The following SIPA1L3 variants were observed in gnomAD, a reference collection of about 807,000 sequenced individuals.
The protein encoded by SIPA1L3 is signal induced proliferation associated 1 like 3.
Under a neutral mutation model 150.1 loss-of-function variants are expected in SIPA1L3, and 59 were observed. The ratio of observed to expected loss-of-function variants is 0.39; its 90% CI spans 0.32 to 0.49. SIPA1L3 has a LOEUF of 0.49. Among genes scored for constraint, SIPA1L3 ranks in the 20% least tolerant of loss-of-function variants. The pLI is 0.86. For missense variants in SIPA1L3, 2,211 were observed against 2,489.5 expected (o/e 0.89, Z 2.38); for synonymous variants, 1,070 against 1,077.6 (o/e 0.99, Z 0.14).
intron 1 of SIPA1L3, among the ~76,000 whole-genome samples, chr19:37,931,791 A>G (rs995720334): frequency 1.3e-5 from 2 of 152,044 alleles, no homozygotes; most frequent in Non-Finnish European, 1.5e-5. Context: ...TAGTGGGTAA[A>G]AACTGGAACC....
intron 2 of SIPA1L3, among the ~76,000 whole-genome samples, chr19:38,075,646 G>A (rs1600013031): frequency 6.6e-6 from 1 of 151,108 alleles, no homozygotes; most frequent in Non-Finnish European, 1.5e-5. Context: ...CAGGCATGGT[G>A]GTGTGCACCT....
chr19:37,959,990 G>T (rs1175704814), intron 1 of SIPA1L3, among the ~76,000 whole-genome samples: 1 of 151,510 alleles, frequency 6.6e-6, no homozygotes, highest in Non-Finnish European at 1.5e-5. Context: ...CATGTTACAA[G>T]CCCCACAGTA....
intron 9 of SIPA1L3, among the ~76,000 whole-genome samples, chr19:38,128,949 C>A (rs748400402): frequency 2.0e-5 from 3 of 152,036 alleles, no homozygotes; most frequent in Non-Finnish European, 4.4e-5. Flanking sequence ...AGTATGAAAG[C>A]GGGCATCCTG....
intron 13 of SIPA1L3, among the ~76,000 whole-genome samples, 180 bp downstream of exon 13, chr19:38,153,147 G>A (rs529217034): frequency 6.9e-4 from 105 of 152,348 alleles, no homozygotes; most frequent in African/African-American, 2.3e-3. Context: ...ACCAGCAAGC[G>A]AGATCCTTAT....
intron 1 of SIPA1L3, among the ~76,000 whole-genome samples, chr19:37,973,160 G>A (rs1382059982): frequency 7.2e-5 from 11 of 151,726 alleles, no homozygotes; most frequent in East Asian, 3.9e-4. Context: ...GTCAGAACAC[G>A]TGTTCTTCTC....
chr19:37,952,641 C>T (rs1165732114), intron 1 of SIPA1L3, among the ~76,000 whole-genome samples: 2 of 151,452 alleles, frequency 1.3e-5, no homozygotes, highest in Non-Finnish European at 2.9e-5. Context: ...CCATTGCACT[C>T]CAGCCTGAGG....
At chr19:37,958,938 A>G (rs1035835123) in intron 1 of SIPA1L3, among the ~76,000 whole-genome samples, 35 of 152,266 alleles carry the variant, frequency 2.3e-4, no homozygotes, top group African/African-American at 8.2e-4. Flanking sequence ...ATGGCTCAAT[A>G]TAATTATCAT....
At chr19:38,188,179 TGTGGTGGTGGTG>T (rs765752216) in intron 16 of SIPA1L3, among the ~76,000 whole-genome samples, 2 of 151,300 alleles carry the variant, frequency 1.3e-5, no homozygotes, top group East Asian at 1.9e-4. Context: ...GTTTTGTTGT[TGTGGTGGTGGTG>T]GTGGTGGTGG....
chr19:38,010,929 C>G (rs1968082516), intron 1 of SIPA1L3, among the ~76,000 whole-genome samples: 1 of 152,142 alleles, frequency 6.6e-6, no homozygotes, highest in African/African-American at 2.4e-5. Flanking sequence ...CAACTCATGG[C>G]AATGACCAAC....
chr19:38,159,601 AAGGGAGGAGGCAGGGCTTGACAGCAC>A (rs1335865318), intron 13 of SIPA1L3, among the ~76,000 whole-genome samples: 3 of 152,238 alleles, frequency 2.0e-5, no homozygotes, highest in African/African-American at 7.2e-5. Flanking sequence ...TGGTGAAGCC[AAGGGAGGAGGCAGGGCTTGACAGCAC>A]AGGTGCTAAA....
chr19:37,912,860 A>C (rs1363187210), intron 1 of SIPA1L3, among the ~76,000 whole-genome samples: 1 of 152,136 alleles, frequency 6.6e-6, no homozygotes, highest in Non-Finnish European at 1.5e-5. Flanking sequence ...TCCCGCTTGG[A>C]GATGTTGGGG....
chr19:38,083,694 C>T (rs984445734), intron 3 of SIPA1L3, among the ~76,000 whole-genome samples: 5 of 152,076 alleles, frequency 3.3e-5, no homozygotes, highest in Non-Finnish European at 7.4e-5. Context: ...GCAGCGAATA[C>T]AAAAGTCTTG....
chr19:38,190,976 G>A (rs975891355), intron 16 of SIPA1L3, among the ~76,000 whole-genome samples: 2 of 152,174 alleles, frequency 1.3e-5, no homozygotes, highest in South Asian at 4.1e-4. Flanking sequence ...GCAGCCTGGC[G>A]GCCTTGATTT....
intron 1 of SIPA1L3, among the ~76,000 whole-genome samples, chr19:37,915,382 T>C (rs747734378): frequency 9.9e-5 from 15 of 151,786 alleles, no homozygotes; most frequent in Non-Finnish European, 2.1e-4. Flanking sequence ...TTTTTGTTTG[T>C]TTGTTTTTGT....
At chr19:38,176,209 C>T (rs969327095) in intron 15 of SIPA1L3, among the ~76,000 whole-genome samples, 3 of 151,444 alleles carry the variant, frequency 2.0e-5, no homozygotes, top group African/African-American at 2.4e-5. Flanking sequence ...GATGGGGTTT[C>T]GCCATGTTGG....
chr19:38,088,793 A>G lies in SIPA1L3; in HGVS notation c.1607A>G (p.Glu536Gly). The G allele has an allele frequency of 6.2e-7, 1 of 1,614,144 alleles. No homozygotes were observed. The highest frequency in any genetic ancestry group is 8.5e-7 in the Non-Finnish European group (1 of 1,180,008). The part of the protein sequence containing the change: ...VAVSIKREKL[E>G]DHKEHGPQYQ... ...GTGAGCATTAAGCGGGAGAAGCTGG[A>G]AGACCACAAGGAGCACGGACCTCAG... Residue 536 changes from glutamate to glycine, a missense_variant, in exon 4 of 22, where the codon GAA becomes GGA. Glu to Gly is a moderately conservative substitution (Grantham distance 98). Around this residue, in one of 5 missense-constraint regions of SIPA1L3, gnomAD observed 625 missense variants for 804.2 expected, o/e 0.78. Transcript: ENST00000222345.
At chr19:38,049,959 G>T (rs1203629788) in intron 2 of SIPA1L3, among the ~76,000 whole-genome samples, 1 of 152,082 alleles carries the variant, frequency 6.6e-6, no homozygotes, top group African/African-American at 2.4e-5. Flanking sequence ...CCCTTTCCAA[G>T]AGAGGCCCAG....
Position 38,119,538 on chromosome 19 carries a change from G to A in SIPA1L3, c.2524G>A (p.Gly842Ser), listed in dbSNP as rs530799618. 1.2e-5 allele frequency: 19 copies of A among 1,613,996 alleles called. No individual in the cohort carries two copies. The highest frequency in any genetic ancestry group is 5.5e-5 in the South Asian group (5 of 91,070). The change falls in exon 9 of 22, where the codon GGC (glycine) becomes AGC (serine). Residue 842 changes from glycine (G) to serine (S), a missense_variant. By Grantham distance (56) the Gly-to-Ser change is moderately conservative. Coordinates refer to ENST00000222345, the MANE Select transcript of SIPA1L3 (RefSeq NM_015073.3). ...CVSNTPIDSTGKFNLISLTSK... is the reference protein window; with the variant it reads ...CVSNTPIDSTSKFNLISLTSK... ...CTCCAACACCCCCATCGACTCCACCGGCAAATTCAACCTCATCTCCCTGAC... is the reference window on the plus strand; with the variant it reads ...CTCCAACACCCCCATCGACTCCACCAGCAAATTCAACCTCATCTCCCTGAC...
intron 8 of SIPA1L3, among the ~76,000 whole-genome samples, chr19:38,117,403 T>C (rs1249878184): frequency 6.6e-6 from 1 of 152,056 alleles, no homozygotes; most frequent in Non-Finnish European, 1.5e-5. Flanking sequence ...GTAGATCACT[T>C]GAGGTCAGTA....
Sources: allele counts gnomAD v4.1 joint callset (sites outside exome capture counted in the v4.1 genomes callset), GRCh38; gene constraint gnomAD v4.1.1; regional missense constraint gnomAD v4.1.1; transcripts MANE v1.5; gene names NCBI Gene and HGNC (gene_info 2026-07-23, HGNC 2026-07-21).